The following SOAT2 variants were observed in gnomAD, a reference collection of about 807,000 sequenced individuals.
The protein encoded by SOAT2 is sterol O-acyltransferase 2, also known as ACAT-2.
Under a neutral mutation model 76.0 loss-of-function variants are expected in SOAT2, and 87 were observed. The ratio of observed to expected loss-of-function variants is 1.14; its 90% confidence interval spans 0.96 to 1.37. The LOEUF is 1.37. Among genes scored for constraint, SOAT2 ranks in the 40% most tolerant of loss-of-function variants. The probability of loss-of-function intolerance (pLI) is 0.00; values close to 1 mark genes in which losing one functional copy is unlikely to be tolerated. For missense variants in SOAT2, 686 were observed against 682.1 expected, an observed-to-expected ratio of 1.01 and a Z score of -0.06; for synonymous variants, 285 against 275.4, an observed-to-expected ratio of 1.03 and a Z score of -0.34.
intron 10 of SOAT2, among the ~76,000 whole-genome samples, chr12:53,119,779 T>C (rs1447375294): frequency 6.6e-6 from 1 of 152,202 alleles, no homozygotes; most frequent in Non-Finnish European, 1.5e-5. Flanking sequence ...TGCCCCCTCC[T>C]GTGGGAAGCC....
At chr12:53,120,637 G>T in intron 10 of SOAT2, 149 bp from the exon 11 acceptor site, 1 of 552,314 alleles carries the variant, frequency 1.8e-6, no homozygotes, top group Non-Finnish European at 3.3e-6. Context: ...AAAAAAAAAG[G>T]AATGCATAAA....
chr12:53,104,079 A>C, intron 1 of SOAT2, 72 bp from the exon 2 acceptor site: 1 of 1,285,724 alleles, frequency 7.8e-7, no homozygotes, highest in Non-Finnish European at 1.1e-6. Flanking sequence ...GCATTTCCTG[A>C]CCACAGGATG....
intron 5 of SOAT2, among the ~76,000 whole-genome samples, chr12:53,109,792 AAC>A (rs1937986269): frequency 6.6e-6 from 1 of 151,760 alleles, no homozygotes; most frequent in South Asian, 2.1e-4. Flanking sequence ...CCTGGCCTTA[AAC>A]CTAAGTCTTA....
At position 53,123,721 on chromosome 12, in the gene SOAT2, G is replaced by A; in HGVS notation, c.1373-7G>A. 2 of 1,614,106 alleles carry A rather than the reference G, an allele frequency of 1.2e-6. No individual in the cohort carries two copies. The highest frequency in any genetic ancestry group is 8.5e-7 in the Non-Finnish European group (1 of 1,180,006). On this transcript the variant is annotated splice_region_variant and splice_polypyrimidine_tract_variant and intron_variant, in intron 13 of 14. Coordinates refer to ENST00000301466, the MANE Select transcript of SOAT2 (RefSeq NM_003578.4). ...AGCTGGAATGACAACCTTTCCTCCT[G>A]CACCAGGAATGTTGAACTTCATGAT...
chr12:53,118,604 G>A (rs1938141553), intron 8 of SOAT2, among the ~76,000 whole-genome samples, 170 bp downstream of exon 8: 2 of 152,018 alleles, frequency 1.3e-5, no homozygotes, highest in African/African-American at 4.8e-5. Context: ...CTGTCTCCTT[G>A]CCCGGCCTAT....
In SOAT2 at chr12:53,106,005, A is replaced by G. The variant is rs1937929299; in HGVS notation, c.434A>G (p.Asp145Gly). Residue 145 changes from aspartate (D) to glycine (G), a missense_variant, in exon 5 of 15, where the codon GAT becomes GGT. Asp to Gly is a moderately conservative substitution (Grantham distance 94). Coordinates refer to ENST00000301466, the MANE Select transcript of SOAT2 (RefSeq NM_003578.4). Reference protein sequence around the residue: ...IISTLAIDFIDEGRLLLEFDL... With the variant: ...IISTLAIDFIGEGRLLLEFDL... ...AGCACCCTGGCCATCGACTTCATTGATGAGGGCAGGTAGGTCCCCTTCCCA... is the reference window on the plus strand; with the variant it reads ...AGCACCCTGGCCATCGACTTCATTGGTGAGGGCAGGTAGGTCCCCTTCCCA... The G allele has an allele frequency of 6.2e-7, 1 of 1,613,008 alleles. No individual in the cohort carries two copies. Among genetic ancestry groups the G allele is most frequent in the African/African-American group, 1.3e-5 (1 of 74,896 alleles).
At chr12:53,111,695 T>C (rs1477531810) in intron 5 of SOAT2, among the ~76,000 whole-genome samples, 1 of 152,214 alleles carries the variant, frequency 6.6e-6, no homozygotes, top group East Asian at 1.9e-4. Context: ...GATCAATAAA[T>C]GCAAACAAAA....
At chr12:53,120,964 G>A in intron 11 of SOAT2, 81 bp downstream of exon 11, 1 of 1,056,262 alleles carries the variant, frequency 9.5e-7, no homozygotes. Flanking sequence ...TAGCCAGGTT[G>A]GGTGTCACTT....
At chr12:53,122,929 C>T in intron 12 of SOAT2, 152 bp from the exon 13 acceptor site, 1 of 751,062 alleles carries the variant, frequency 1.3e-6, no homozygotes, top group Non-Finnish European at 1.9e-6. Context: ...GCGCCCCTCA[C>T]CTCCCGGACG....
At position 53,123,870 on chromosome 12, in the gene SOAT2, C is replaced by A; in HGVS notation, c.1515C>A (p.Pro505=). Residue 505 remains proline (P), a synonymous_variant, in exon 14 of 15, where the codon CCC becomes CCA. Transcript: ENST00000301466. ...ACGCACGGCGGCACTGCCCCTTACCCCAGGTAAGAGACCACAACCCTCATC... is the reference window on the plus strand; with the variant it reads ...ACGCACGGCGGCACTGCCCCTTACCACAGGTAAGAGACCACAACCCTCATC... ...EWYARRHCPL[P]QATFWGLVTP... The A allele has an allele frequency of 6.2e-7, 1 of 1,614,116 alleles. No homozygotes were observed. The highest frequency in any genetic ancestry group is 8.5e-7 in the Non-Finnish European group (1 of 1,180,006).
chr12:53,123,926 A>G, intron 14 of SOAT2, 53 bp downstream of exon 14: 1 of 1,611,210 alleles, frequency 6.2e-7, no homozygotes, highest in Non-Finnish European at 8.5e-7. Flanking sequence ...CACACAGACC[A>G]ACAGCCAGTC....
intron 5 of SOAT2, among the ~76,000 whole-genome samples, chr12:53,112,686 C>G (rs1938032805): frequency 3.3e-5 from 5 of 151,960 alleles, no homozygotes; most frequent in African/African-American, 9.7e-5. Flanking sequence ...TAAGCTGACT[C>G]TCAACCATTG....
rs1323991365 is a variant in SOAT2 at position 53,120,853 on chromosome 12, G to A, written c.1107G>A (p.Met369Ile). The A allele has an allele frequency of 1.2e-6, 2 of 1,614,066 alleles. No homozygotes were observed. The highest frequency in any genetic ancestry group is 1.7e-6 in the Non-Finnish European group (2 of 1,179,976). ...GCTGGCTCAACGCCTTTGCCGAGAT[G>A]CTACGATTTGGAGACAGGATGTTCT... ...LHCWLNAFAE[M>I]LRFGDRMFYR... Residue 369 changes from methionine to isoleucine, a missense_variant, in exon 11 of 15, where the codon ATG becomes ATA. Coordinates refer to ENST00000301466, the MANE Select transcript of SOAT2 (RefSeq NM_003578.4).
chr12:53,104,348 T>C (rs1937894649), intron 2 of SOAT2, 142 bp downstream of exon 2: 2 of 597,838 alleles, frequency 3.3e-6, no homozygotes, highest in African/African-American at 1.9e-5. Context: ...CTGGAGTGCA[T>C]TGGCACAATC....
At chr12:53,113,797 G>A (rs12232005) in intron 5 of SOAT2, among the ~76,000 whole-genome samples, 28,376 of 152,068 alleles carry the variant, frequency 0.19, 3,386 homozygotes, top group African/African-American at 0.35. Flanking sequence ...ACTAAGGTCT[G>A]AGTCTTGAAG....
chr12:53,121,103 TGA>T (rs1938182868), intron 11 of SOAT2, among the ~76,000 whole-genome samples, 198 bp from the exon 12 acceptor site: 1 of 152,148 alleles, frequency 6.6e-6, no homozygotes, highest in Non-Finnish European at 1.5e-5. Flanking sequence ...AATCTTCTCC[TGA>T]GAGAGGGAGT....
chr12:53,105,363 C>A (rs554047736), intron 3 of SOAT2, 120 bp downstream of exon 3: 7 of 1,337,494 alleles, frequency 5.2e-6, no homozygotes, highest in South Asian at 1.4e-5. Context: ...CCTCTTCCCC[C>A]CTTGTCTTCC....
At chr12:53,117,287 T>C (rs1938119620) in intron 7 of SOAT2, among the ~76,000 whole-genome samples, 1 of 148,034 alleles carries the variant, frequency 6.8e-6, no homozygotes, top group South Asian at 2.2e-4. Context: ...TTTTTTTTTT[T>C]AGAGACAGGG....
At position 53,120,795 on chromosome 12, in the gene SOAT2, T is replaced by G; in HGVS notation, c.1049T>G (p.Met350Arg). The G allele has an allele frequency of 1.2e-6, 2 of 1,613,914 alleles. No individual in the cohort carries two copies. The highest frequency in any genetic ancestry group is 1.7e-6 in the Non-Finnish European group (2 of 1,179,798). ...ILHATLPGIF[M>R]LLLIFFAFLH... is the part of the protein sequence containing the mutation. ...TGTCCCCAACCACCAGGCATCTTCA[T>G]GCTGCTGCTCATCTTCTTTGCCTTC... Residue 350 changes from methionine to arginine, a missense_variant, in exon 11 of 15, where the codon ATG becomes AGG. Met to Arg is a moderately conservative substitution (Grantham distance 91). Coordinates refer to ENST00000301466, the MANE Select transcript of SOAT2 (RefSeq NM_003578.4).
Sources: gnomAD v4.1 joint callset for allele counts (sites outside exome capture counted in the v4.1 genomes callset) on GRCh38, gnomAD v4.1.1 for gene constraint, MANE v1.5 for transcripts, NCBI Gene and HGNC (gene_info 2026-07-23, HGNC 2026-07-21) for gene names.